MTREX: variants seen among roughly 807,000 people sequenced by gnomAD.
The protein encoded by MTREX is Mtr4 exosome RNA helicase, also known as exosome RNA helicase MTR4.
A neutral mutation model predicts 135.4 loss-of-function variants in MTREX; 76 were observed. The observed-to-expected ratio is 0.56, with a 90% CI of 0.47 to 0.68. MTREX has a LOEUF of 0.68. Among genes scored for constraint, MTREX ranks in the 30% least tolerant of loss-of-function variants. MTREX has a pLI of 0.00. For synonymous variants in MTREX, 404 were observed against 401.6 expected, an observed-to-expected ratio of 1.01 and a Z score of -0.07; for missense variants, 920 against 1,262.1, an observed-to-expected ratio of 0.73 and a Z score of 4.11.
intron 20 of MTREX, among the ~76,000 whole-genome samples, chr5:55,399,020 T>C (rs1215803100): frequency 3.3e-5 from 5 of 152,328 alleles, no homozygotes; most frequent in African/African-American, 9.6e-5. Context: ...TTATACTTTT[T>C]AAACTTCAGA....
At chr5:55,403,744 G>A (rs941341514) in intron 21 of MTREX, among the ~76,000 whole-genome samples, 2 of 152,186 alleles carry the variant, frequency 1.3e-5, no homozygotes, top group Non-Finnish European at 2.9e-5. Context: ...GGAAAGCATT[G>A]CTTCCTATGA....
At chr5:55,377,334 A>G (rs1750322215) in intron 16 of MTREX, among the ~76,000 whole-genome samples, 2 of 152,220 alleles carry the variant, frequency 1.3e-5, no homozygotes, top group African/African-American at 4.8e-5. Context: ...CTCTAAAAAA[A>G]AAGAAGAAAA....
At chr5:55,324,300 G>T in intron 3 of MTREX, 102 bp downstream of exon 3, 1 of 733,092 alleles carries the variant, frequency 1.4e-6, no homozygotes, top group Non-Finnish European at 2.2e-6. Flanking sequence ...GAGGACCTTG[G>T]AAACAATAAA....
rs553762922 is a variant in MTREX, at chr5:55,395,497, C to T, written c.2182-1919C>T. On this transcript the variant is annotated intron_variant, in intron 19 of 26. Coordinates refer to ENST00000230640, the MANE Select transcript of MTREX (RefSeq NM_015360.5). The stretch of plus-strand genomic sequence containing the variant: ...GTAATTTACTATGGCAAGAATCATC[C>T]GTGGATGCTGAAACTGGCAAACTGA... Among the ~76,000 whole-genome samples the T allele has an allele frequency of 3.3e-5, 5 of 152,208 alleles. 1 individual carries two copies. The South Asian group carries it at 8.3e-4, about 25-fold the overall frequency.
chr5:55,329,988 G>A (rs1749444634), intron 5 of MTREX, among the ~76,000 whole-genome samples: 1 of 151,600 alleles, frequency 6.6e-6, no homozygotes, highest in East Asian at 1.9e-4. Flanking sequence ...TTTCATTTGT[G>A]GGTCATTTCT....
intron 1 of MTREX, among the ~76,000 whole-genome samples, chr5:55,312,879 A>C (rs114847479): frequency 6.6e-6 from 1 of 152,096 alleles, no homozygotes; most frequent in Non-Finnish European, 1.5e-5. Flanking sequence ...GACTCACTAT[A>C]CACTTTCAGT....
chr5:55,390,553 T>C (rs910158065), intron 19 of MTREX, among the ~76,000 whole-genome samples: 1 of 152,216 alleles, frequency 6.6e-6, no homozygotes, highest in Non-Finnish European at 1.5e-5. Context: ...GTGAACAGTT[T>C]AGTGTGTTCT....
At position 55,312,292 on chromosome 5, in the gene MTREX, G is replaced by C. The variant is rs144828142; in HGVS notation, c.134+4145G>C. Reference sequence around the variant, plus strand: ...TGCTTGATCCTTTAACAATTTTTAAGGAAATGAGTTGTGCCCTAAGGAAGT... The same window carrying C: ...TGCTTGATCCTTTAACAATTTTTAACGAAATGAGTTGTGCCCTAAGGAAGT... On this transcript the variant is annotated intron_variant, in intron 1 of 26. Coordinates refer to ENST00000230640, the MANE Select transcript of MTREX (RefSeq NM_015360.5). Among the ~76,000 whole-genome samples the C allele has an allele frequency of 1.3e-3, 204 of 152,274 alleles. 2 individuals carry two copies. In the Middle Eastern group the frequency reaches 0.024, roughly 18 times the overall value.
chr5:55,369,277 A>T (rs1750156341), intron 16 of MTREX, among the ~76,000 whole-genome samples: 3 of 152,208 alleles, frequency 2.0e-5, no homozygotes, highest in Admixed American at 2.0e-4. Flanking sequence ...CAGGTGTAAG[A>T]TTACAAGCTA....
intron 1 of MTREX, among the ~76,000 whole-genome samples, chr5:55,310,317 G>GA (rs1749090513): frequency 6.6e-6 from 1 of 152,184 alleles, no homozygotes; most frequent in African/African-American, 2.4e-5. Context: ...ATATTTTTAA[G>GA]AAAAAAATCC....
intron 2 of MTREX, among the ~76,000 whole-genome samples, chr5:55,323,413 G>A (rs958653528): frequency 2.0e-5 from 3 of 151,928 alleles, no homozygotes; most frequent in African/African-American, 7.3e-5. Context: ...GTAGGATTTT[G>A]ATGAGAATAA....
At chr5:55,350,146 G>A (rs559555932) in intron 12 of MTREX, among the ~76,000 whole-genome samples, 1 of 151,314 alleles carries the variant, frequency 6.6e-6, no homozygotes, top group East Asian at 1.9e-4. Context: ...TGTACATTCT[G>A]GACATCAGAA....
At chr5:55,376,070 A>G (rs575248265) in intron 16 of MTREX, among the ~76,000 whole-genome samples, 3 of 152,350 alleles carry the variant, frequency 2.0e-5, no homozygotes, top group African/African-American at 7.2e-5. Flanking sequence ...CCCCCAGTAG[A>G]CTTAATCCAA....
At chr5:55,347,849 AAGG>A (rs1749763252) in intron 11 of MTREX, among the ~76,000 whole-genome samples, 1 of 152,200 alleles carries the variant, frequency 6.6e-6, no homozygotes, top group African/African-American at 2.4e-5. Flanking sequence ...GGTGGAAGGC[AAGG>A]AGGAGCAAGT....
chr5:55,369,663 T>C (rs1260474198), intron 16 of MTREX, among the ~76,000 whole-genome samples: 2 of 152,178 alleles, frequency 1.3e-5, no homozygotes, highest in African/African-American at 4.8e-5. Context: ...CCACCATTTC[T>C]CTGATAAATT....
At chr5:55,342,534 T>TA (rs1472241489) in intron 7 of MTREX, among the ~76,000 whole-genome samples, 3 of 152,250 alleles carry the variant, frequency 2.0e-5, no homozygotes, top group Non-Finnish European at 4.4e-5. Flanking sequence ...CTTAGGCTGT[T>TA]ACGCTCTCGT....
At chr5:55,349,342 A>G (rs1242160631) in intron 11 of MTREX, among the ~76,000 whole-genome samples, 2 of 151,934 alleles carry the variant, frequency 1.3e-5, no homozygotes, top group East Asian at 1.9e-4. Context: ...GCACGCCGCA[A>G]TGCCTGGCTA....
At chr5:55,345,004 A>AT in intron 9 of MTREX, 90 bp from the exon 10 acceptor site, 1 of 749,608 alleles carries the variant, frequency 1.3e-6, no homozygotes, top group Non-Finnish European at 2.2e-6. Context: ...ATACTAAATT[A>AT]TTTTTATTTG....
At chr5:55,412,435 T>G (rs1223701261) in intron 23 of MTREX, among the ~76,000 whole-genome samples, 4 of 152,206 alleles carry the variant, frequency 2.6e-5, no homozygotes, top group Non-Finnish European at 5.9e-5. Flanking sequence ...TGTACAGGTC[T>G]AAGCACCAGA....
Sources: allele counts gnomAD v4.1 joint callset (sites outside exome capture counted in the v4.1 genomes callset), GRCh38; gene constraint gnomAD v4.1.1; transcripts MANE v1.5; gene names NCBI Gene and HGNC (gene_info 2026-07-23, HGNC 2026-07-21).